Variants in CTDSPL observed in about 807,000 individuals in gnomAD.
The protein encoded by CTDSPL is CTD small phosphatase-like protein.
A neutral mutation model predicts 30.5 loss-of-function variants in CTDSPL; 8 were observed. That is an observed-to-expected ratio of 0.26 (90% CI 0.15 to 0.47). The LOEUF is 0.47. Among genes scored for constraint, CTDSPL ranks in the 20% least tolerant of loss-of-function variants. The pLI is 0.99. For missense variants in CTDSPL, 248 were observed against 366.1 expected (o/e 0.68, Z 2.63); for synonymous variants, 110 against 137.9 (o/e 0.80, Z 1.42).
At chr3:37,949,112 G>A (rs1042419382) in intron 2 of CTDSPL, among the ~76,000 whole-genome samples, 1 of 152,166 alleles carries the variant, frequency 6.6e-6, no homozygotes, top group African/African-American at 2.4e-5. Flanking sequence ...GAGCCACCGC[G>A]CCCGGCCATT....
chr3:37,902,206 A>AG (rs1698458310), intron 1 of CTDSPL, among the ~76,000 whole-genome samples: 5 of 152,220 alleles, frequency 3.3e-5, no homozygotes, highest in Admixed American at 3.3e-4. Flanking sequence ...TCTATTAGGA[A>AG]GGGAGAAGAG....
At chr3:37,885,452 G>A (rs1698252080) in intron 1 of CTDSPL, among the ~76,000 whole-genome samples, 1 of 152,182 alleles carries the variant, frequency 6.6e-6, no homozygotes, top group Non-Finnish European at 1.5e-5. Context: ...GAGGCAGGTA[G>A]AGATTGTCTT....
intron 1 of CTDSPL, among the ~76,000 whole-genome samples, chr3:37,900,261 A>G (rs1698434286): frequency 6.6e-6 from 1 of 152,196 alleles, no homozygotes; most frequent in African/African-American, 2.4e-5. Flanking sequence ...CAAATTGTGA[A>G]AATTGTTTGG....
chr3:37,940,854 G>T (rs1003415418), intron 1 of CTDSPL, among the ~76,000 whole-genome samples: 1 of 150,496 alleles, frequency 6.6e-6, no homozygotes, highest in African/African-American at 2.4e-5. Flanking sequence ...TCTGTAACTG[G>T]TGCTTTGAAG....
rs114150779 is a variant in CTDSPL, at chr3:37,885,230, G to A, written c.79+22952G>A. Among the ~76,000 whole-genome samples the A allele has an allele frequency of 5.0e-3, 760 of 152,292 alleles. 2 individuals carry two copies. The highest frequency in any genetic ancestry group is 0.027 in the Middle Eastern group (8 of 294). On this transcript the variant is annotated intron_variant, in intron 1 of 7. Transcript: ENST00000273179. ...TGGGTATCCAAGAGGCCAAAGGATA[G>A]GAGTTTATGGCCAAAGTGGGGTTTC... is the stretch of plus-strand genomic sequence containing the variant.
chr3:37,969,475 G>A (rs367606275), intron 5 of CTDSPL: 6 of 504,840 alleles, frequency 1.2e-5, no homozygotes, highest in Non-Finnish European at 2.0e-5. Context: ...ACTTGCACGG[G>A]GACGCGGGCC....
chr3:37,941,225 C>G lies in CTDSPL; in HGVS notation c.80-5832C>G, dbSNP rs1414751083. Reference sequence around the variant, plus strand: ...GGGACCATGCCCCACATCTCCAGCTCTTCACAACCCTCTCCAGGGTTTCTA... The same window carrying G: ...GGGACCATGCCCCACATCTCCAGCTGTTCACAACCCTCTCCAGGGTTTCTA... On this transcript the variant is annotated intron_variant, in intron 1 of 7. Transcript: ENST00000273179. Among the ~76,000 whole-genome samples, 2 of 149,956 alleles carry G rather than the reference C, an allele frequency of 1.3e-5. 1 individual carries two copies. The highest frequency in any genetic ancestry group is 3.0e-5 in the Non-Finnish European group (2 of 66,930).
chr3:37,902,458 C>T (rs1288130789), intron 1 of CTDSPL, among the ~76,000 whole-genome samples: 4 of 152,042 alleles, frequency 2.6e-5, no homozygotes, highest in Non-Finnish European at 4.4e-5. Context: ...TCTGTACTTC[C>T]CAGCAGGCCT....
chr3:37,915,547 C>T (rs1010198296), intron 1 of CTDSPL, among the ~76,000 whole-genome samples: 1 of 152,074 alleles, frequency 6.6e-6, no homozygotes, highest in Non-Finnish European at 1.5e-5. Flanking sequence ...ATTAATTTTT[C>T]TTCAAGCTAT....
chr3:37,969,041 G>A (rs751659160), intron 5 of CTDSPL, among the ~76,000 whole-genome samples: 3 of 152,150 alleles, frequency 2.0e-5, no homozygotes, highest in South Asian at 2.1e-4. Flanking sequence ...GAGCCAAAAC[G>A]GCAGGCACTT....
rs117503723 is a variant in CTDSPL, at chr3:37,909,019, G to A, written c.80-38038G>A. ...TACAACTATTTTGTTTTCCCTTTTA[G>A]AATTCGAAATTTTACATAAAGTGTT... On this transcript the variant is annotated intron_variant, in intron 1 of 7. Coordinates refer to ENST00000273179, the MANE Select transcript of CTDSPL (RefSeq NM_001008392.2). Among the ~76,000 whole-genome samples the A allele has an allele frequency of 2.1e-3, 316 of 152,148 alleles. 4 individuals carry two copies. The East Asian group carries it at 0.052, about 25-fold the overall frequency.
chr3:37,952,911 G>T (rs1699126623), intron 2 of CTDSPL, among the ~76,000 whole-genome samples: 1 of 152,186 alleles, frequency 6.6e-6, no homozygotes, highest in African/African-American at 2.4e-5. Context: ...TAATGGGTTG[G>T]CTGAGGCTGA....
At chr3:37,958,661 GAT>G in intron 3 of CTDSPL, among the ~76,000 whole-genome samples, 1 of 152,168 alleles carries the variant, frequency 6.6e-6, no homozygotes, top group East Asian at 1.9e-4. Context: ...TCTGGAATAA[GAT>G]AAACAAGAAG....
chr3:37,912,274 G>A (rs577750045), intron 1 of CTDSPL, among the ~76,000 whole-genome samples: 3 of 152,274 alleles, frequency 2.0e-5, no homozygotes, highest in East Asian at 3.9e-4. Context: ...ACTCAGCCCC[G>A]GCCACTCCTA....
At chr3:37,979,895 C>G (rs1224194639) in intron 7 of CTDSPL, among the ~76,000 whole-genome samples, 1 of 152,128 alleles carries the variant, frequency 6.6e-6, no homozygotes, top group Non-Finnish European at 1.5e-5. Context: ...TTACATGGTT[C>G]CGACATCAAA....
rs370157803 is a variant in CTDSPL, at chr3:37,937,330, CAG to C, written c.80-9726_80-9725del. 2.2e-3 allele frequency among the ~76,000 whole-genome samples: 336 copies of C among 150,364 alleles called. 8 individuals are homozygous for C. The highest frequency in any genetic ancestry group is 7.4e-3 in the African/African-American group (308 of 41,388). On this transcript the variant is annotated intron_variant, in intron 1 of 7. Coordinates refer to ENST00000273179, the MANE Select transcript of CTDSPL (RefSeq NM_001008392.2). ...AACCTAATGGGAGCTGTCTGAGTCC[CAG>C]GGACAGATCCCTCATGAGTAAGTAA...
At position 37,942,568 on chromosome 3, in the gene CTDSPL, C is replaced by T. The variant is rs181132224; in HGVS notation, c.80-4489C>T. On this transcript the variant is annotated intron_variant, in intron 1 of 7. Transcript: ENST00000273179. ...TGAGGTGGGAGGATGTCTTGAGCCC[C>T]GGGGGTAGAGGTTGCAGTGAGCCAA... Among the ~76,000 whole-genome samples the T allele has an allele frequency of 9.2e-4, 138 of 150,106 alleles. 4 individuals carry two copies. The highest frequency in any genetic ancestry group is 3.1e-3 in the African/African-American group (129 of 41,348).
intron 2 of CTDSPL, among the ~76,000 whole-genome samples, chr3:37,948,334 A>C (rs1208058522): frequency 2.6e-5 from 4 of 152,338 alleles, no homozygotes; most frequent in Non-Finnish European, 4.4e-5. Flanking sequence ...ATGAGCGAAG[A>C]GACCTCATAC....
chr3:37,957,969 A>G (rs917786536), intron 3 of CTDSPL, among the ~76,000 whole-genome samples: 6 of 152,212 alleles, frequency 3.9e-5, no homozygotes, highest in African/African-American at 1.4e-4. Flanking sequence ...TTAGAGAAGG[A>G]TTTAGGTTTC....
Sources: gnomAD v4.1 joint callset for allele counts (sites outside exome capture counted in the v4.1 genomes callset) on GRCh38, gnomAD v4.1.1 for gene constraint, MANE v1.5 for transcripts, NCBI Gene and HGNC (gene_info 2026-07-23, HGNC 2026-07-21) for gene names.